AFDN: variants seen among roughly 807,000 people sequenced by gnomAD.
The protein encoded by AFDN is afadin, adherens junction formation factor.
AFDN carries 68 observed loss-of-function variants against 216.6 expected under a neutral mutation model. The ratio of observed to expected loss-of-function variants is 0.31; its 90% CI spans 0.26 to 0.38. The LOEUF is 0.38. AFDN is among the 10% of genes least tolerant of loss of function. The pLI is 1.00. For synonymous variants in AFDN, 868 were observed against 853.7 expected, an observed-to-expected ratio of 1.02 and a Z score of -0.29; for missense variants, 2,136 against 2,342.0, an observed-to-expected ratio of 0.91 and a Z score of 1.82.
At chr6:167,937,599 T>C (rs1794170894) in intron 23 of AFDN, among the ~76,000 whole-genome samples, 7 of 152,168 alleles carry the variant, frequency 4.6e-5, no homozygotes, top group African/African-American at 7.2e-5. Flanking sequence ...ACAGATTTTA[T>C]AAATTCAGTT....
chr6:167,834,139 AG>A (rs1352325797), intron 1 of AFDN, among the ~76,000 whole-genome samples: 14 of 151,992 alleles, frequency 9.2e-5, no homozygotes, highest in Non-Finnish European at 1.9e-4. Flanking sequence ...GGGGAACAAG[AG>A]GTATATGGTT....
intron 1 of AFDN, among the ~76,000 whole-genome samples, chr6:167,852,950 A>G (rs1262424941): frequency 6.6e-6 from 1 of 152,130 alleles, no homozygotes; most frequent in African/African-American, 2.4e-5. Context: ...CAGCATAACA[A>G]GATGTCCCAA....
chr6:167,895,625 A>G (rs540429730), intron 9 of AFDN, among the ~76,000 whole-genome samples: 19 of 152,302 alleles, frequency 1.2e-4, no homozygotes, highest in African/African-American at 4.1e-4. Flanking sequence ...TAAAATTAAC[A>G]TCAGTTCTAA....
At chr6:167,908,310 CA>C (rs1419284162) in intron 13 of AFDN, among the ~76,000 whole-genome samples, 2 of 152,206 alleles carry the variant, frequency 1.3e-5, no homozygotes, top group Non-Finnish European at 2.9e-5. Flanking sequence ...CATTCATCAC[CA>C]GTTATACATG....
At chr6:167,961,719 C>CT (rs1441847720) in intron 30 of AFDN, among the ~76,000 whole-genome samples, 1 of 152,168 alleles carries the variant, frequency 6.6e-6, no homozygotes, top group Non-Finnish European at 1.5e-5. Context: ...ATTGTATTGA[C>CT]TGAGAGGTCA....
In AFDN at chr6:167,875,500, A is replaced by C. The variant is rs1352485024; in HGVS notation, c.739+5A>C. ...CAGATGGGCGGCCTGATTCAGGTAC[A>C]ACTTGGTATTTTTTCTCTGTTCTAC... On this transcript the variant is annotated splice_donor_5th_base_variant and intron_variant, in intron 5 of 33. Transcript: ENST00000683244. 6 of 1,613,044 alleles carry C rather than the reference A, an allele frequency of 3.7e-6. No individual in the cohort carries two copies. In the Admixed American group the frequency reaches 1.0e-4, roughly 27 times the overall value.
At chr6:167,864,202 T>C in intron 1 of AFDN, 1 of 502,706 alleles carries the variant, frequency 2.0e-6, no homozygotes, top group South Asian at 1.5e-5. Context: ...GATCTTGAAA[T>C]AGGGTTAAAT....
At chr6:167,866,461 C>A (rs929819684) in intron 2 of AFDN, among the ~76,000 whole-genome samples, 2 of 152,270 alleles carry the variant, frequency 1.3e-5, no homozygotes, top group Non-Finnish European at 2.9e-5. Flanking sequence ...AGAGGAAATA[C>A]CTAATAGTCC....
intron 32 of AFDN, chr6:167,966,281 A>G (rs896218634): frequency 2.0e-6 from 3 of 1,498,722 alleles, no homozygotes; most frequent in African/African-American, 2.8e-5. Context: ...GTAGAGGTAA[A>G]AGAGTGACAA....
Position 167,911,109 on chromosome 6 carries a change from A to G in AFDN, c.1778A>G (p.Asp593Gly). 1 of 1,612,766 alleles carries G rather than the reference A, an allele frequency of 6.2e-7. No homozygotes were observed. Among genetic ancestry groups the G allele is most frequent in the Non-Finnish European group, 8.5e-7 (1 of 1,179,602 alleles). ...CAGCTTTCTTCTTTTAGAACACAGGATGCTTCTGGGCCTGAGCTGATACTA... is the reference window on the plus strand; with the variant it reads ...CAGCTTTCTTCTTTTAGAACACAGGGTGCTTCTGGGCCTGAGCTGATACTA... ...DYRRQESRTQDASGPELILPA... is the reference protein window; with the variant it reads ...DYRRQESRTQGASGPELILPA... The change falls in exon 14 of 34, where the codon GAT becomes GGT. Residue 593 changes from aspartate (D) to glycine (G), a missense_variant. Asp to Gly is a moderately conservative substitution (Grantham distance 94). Coordinates refer to ENST00000683244, the MANE Select transcript of AFDN (RefSeq NM_001386888.1).
chr6:167,843,812 C>T (rs1367737558), intron 1 of AFDN, among the ~76,000 whole-genome samples: 1 of 152,196 alleles, frequency 6.6e-6, no homozygotes, highest in Non-Finnish European at 1.5e-5. Context: ...TGCTGCTTTT[C>T]ACCTGGTACT....
At chr6:167,888,802 C>A (rs997298544) in intron 6 of AFDN, among the ~76,000 whole-genome samples, 3 of 152,120 alleles carry the variant, frequency 2.0e-5, no homozygotes, top group African/African-American at 2.4e-5. Flanking sequence ...CCTAAGATAT[C>A]TCATATTGTA....
chr6:167,945,715 T>G (rs1795185118), intron 26 of AFDN, among the ~76,000 whole-genome samples: 1 of 152,212 alleles, frequency 6.6e-6, no homozygotes, highest in South Asian at 2.1e-4. Flanking sequence ...CTTATTTGGT[T>G]CATGACTGTA....
chr6:167,863,111 A>T (rs1036672859), intron 1 of AFDN, among the ~76,000 whole-genome samples: 1 of 152,158 alleles, frequency 6.6e-6, no homozygotes, highest in Non-Finnish European at 1.5e-5. Flanking sequence ...GAAAACCTGA[A>T]ATATGACATG....
chr6:167,884,919 T>C (rs1378641475), intron 6 of AFDN, among the ~76,000 whole-genome samples: 1 of 152,236 alleles, frequency 6.6e-6, no homozygotes, highest in Non-Finnish European at 1.5e-5. Flanking sequence ...TTCATCTTCA[T>C]TGAAAATCTG....
chr6:167,873,229 A>G (rs1784976965), intron 4 of AFDN, among the ~76,000 whole-genome samples: 1 of 152,220 alleles, frequency 6.6e-6, no homozygotes, highest in African/African-American at 2.4e-5. Flanking sequence ...ACATGAACCC[A>G]GAGAGAATCA....
chr6:167,862,923 T>A (rs1783757597), intron 1 of AFDN, among the ~76,000 whole-genome samples: 3 of 152,222 alleles, frequency 2.0e-5, no homozygotes, highest in African/African-American at 7.2e-5. Flanking sequence ...TTTCTGAACA[T>A]ACATGCTCAT....
intron 3 of AFDN, 116 bp from the exon 4 acceptor site, chr6:167,872,098 T>C (rs1430447947): frequency 5.2e-6 from 5 of 952,870 alleles, no homozygotes; most frequent in Non-Finnish European, 8.0e-6. Context: ...CCTTCCTGTG[T>C]TTCAGTAGCT....
chr6:167,954,964 C>T (rs938393867), intron 30 of AFDN, among the ~76,000 whole-genome samples: 5 of 145,578 alleles, frequency 3.4e-5, no homozygotes, highest in African/African-American at 4.9e-5. Flanking sequence ...TCTATGTTTT[C>T]TTTAATAATA....
Sources: gnomAD v4.1 joint callset for allele counts (sites outside exome capture counted in the v4.1 genomes callset) on GRCh38, gnomAD v4.1.1 for gene constraint, MANE v1.5 for transcripts, NCBI Gene and HGNC (gene_info 2026-07-23, HGNC 2026-07-21) for gene names.